Variants in MEX3B observed in about 807,000 individuals in gnomAD.
MEX3B encodes mex-3 RNA binding family member B.
In MEX3B, 10 loss-of-function variants were observed where a neutral mutation model predicts 12.2. The ratio of observed to expected loss-of-function variants is 0.82; its 90% confidence interval spans 0.51 to 1.40. The LOEUF (loss-of-function observed/expected upper bound fraction) is 1.40. Among genes scored for constraint, MEX3B ranks in the 40% most tolerant of loss-of-function variants. The pLI, the probability that MEX3B is intolerant of heterozygous loss-of-function variation, is 0.00. For missense variants in MEX3B, 839 were observed against 801.4 expected, an observed-to-expected ratio of 1.05 and a Z score of -0.57; for synonymous variants, 498 against 356.3, an observed-to-expected ratio of 1.40 and a Z score of -4.48.
Position 82,042,104 on chromosome 15 carries a change from GAAT to G in MEX3B, c.*1053_*1055del, listed in dbSNP as rs1371132242. ...ATACTAAAACTAGAGTGGTGCAACAGAATTTTTGTAACTTGCACTGAATTCTAT... is the reference window on the plus strand; with the variant it reads ...ATACTAAAACTAGAGTGGTGCAACAGTTTTGTAACTTGCACTGAATTCTAT... On this transcript the variant is annotated 3_prime_UTR_variant, in exon 2 of 2. Coordinates refer to ENST00000329713, the MANE Select transcript of MEX3B (RefSeq NM_032246.6). 2.0e-5 allele frequency: 3 copies of G among 152,606 alleles called. No homozygotes were observed. Among genetic ancestry groups the G allele is most frequent in the African/African-American group, 7.2e-5 (3 of 41,444 alleles). 9.5% of individuals were successfully genotyped at this position (152,606 alleles called of 1,614,324 possible).
intron 1 of MEX3B, chr15:82,045,174 A>C: frequency 3.3e-6 from 2 of 615,300 alleles, no homozygotes; most frequent in Admixed American, 2.7e-5. Context: ...TTACATTTAA[A>C]TTGTCTTTCT....
chr15:82,045,469 G>A lies in MEX3B; in HGVS notation c.237C>T (p.Ala79=), dbSNP rs1286195217. Residue 79 remains alanine (A), a synonymous_variant, in exon 1 of 2, where the codon GCC becomes GCT. Coordinates refer to ENST00000329713, the MANE Select transcript of MEX3B (RefSeq NM_032246.6). ...CVPVPSSEHV[A]EIVGRQGCKI... is the part of the protein sequence containing the mutation. ...ACCTACCTTGCCGCCCCACGATCTC[G>A]GCGACATGCTCAGAACTGGGTACTG... The A allele has an allele frequency of 1.2e-6, 2 of 1,604,304 alleles. No individual in the cohort carries two copies. The highest frequency in any genetic ancestry group is 1.7e-5 in the Admixed American group (1 of 59,598).
chr15:82,043,872 T>C lies in MEX3B; in HGVS notation c.998A>G (p.Asn333Ser), dbSNP rs749411744. The C allele has an allele frequency of 1.3e-5, 20 of 1,589,026 alleles. No homozygotes were observed. The highest frequency in any genetic ancestry group is 3.5e-5 in the Admixed American group (2 of 57,452). The change falls in exon 2 of 2, where the codon AAT becomes AGT. Residue 333 changes from asparagine to serine, a missense_variant. Asn to Ser is a conservative substitution (Grantham distance 46, BLOSUM62 1). Around this residue, in one of 3 missense-constraint regions of MEX3B, gnomAD observed 573 missense variants for 488.9 expected, o/e 1.17. Coordinates refer to ENST00000329713, the MANE Select transcript of MEX3B (RefSeq NM_032246.6). ...GGTGTACCCATTGCCGTTATTGTTA[T>C]TGTTTCCGTTGTGCGCAAAGCTCAG... ...PALSFAHNGN[N>S]NNNGNGYTYT...
At position 82,042,331 on chromosome 15, in the gene MEX3B, T is replaced by C. The variant is rs1194083612; in HGVS notation, c.*829A>G. 1.3e-5 allele frequency: 2 copies of C among 152,624 alleles called. No individual in the cohort carries two copies. Among genetic ancestry groups the C allele is most frequent in the Non-Finnish European group, 2.9e-5 (2 of 68,042 alleles). The allele number at this position is 152,624 out of a possible 1,614,324, so 9.5% of individuals were successfully genotyped here. A position where few individuals can be genotyped will look rare whatever the true frequency, so the allele number is the denominator to read the frequency against. Reference sequence around the variant, plus strand: ...GTTCAAAACATTACACATTTTATGGTTGTAATTCCGTCACAATTGTGTGAT... The same window carrying C: ...GTTCAAAACATTACACATTTTATGGCTGTAATTCCGTCACAATTGTGTGAT... On this transcript the variant is annotated 3_prime_UTR_variant, in exon 2 of 2. Transcript: ENST00000329713.
At chr15:82,045,223 G>C in intron 1 of MEX3B, 1 of 655,906 alleles carries the variant, frequency 1.5e-6, no homozygotes, top group Non-Finnish European at 2.7e-6. Context: ...GGAGAAGGCA[G>C]TGATTTTAGC....
rs1392842498 is a variant in MEX3B, at chr15:82,042,833, T to C, written c.*327A>G. On this transcript the variant is annotated 3_prime_UTR_variant, in exon 2 of 2. Coordinates refer to ENST00000329713, the MANE Select transcript of MEX3B (RefSeq NM_032246.6). ...GGGTTTTCTTCTTTTGGAAGCTTCCTATTAAGTACAGTGTAAAAACTATCA... is the reference window on the plus strand; with the variant it reads ...GGGTTTTCTTCTTTTGGAAGCTTCCCATTAAGTACAGTGTAAAAACTATCA... The C allele has an allele frequency of 1.4e-5, 3 of 207,186 alleles. No individual in the cohort carries two copies. Among genetic ancestry groups the C allele is most frequent in the African/African-American group, 6.9e-5 (3 of 43,702 alleles). 12.8% of individuals were successfully genotyped at this position (207,186 alleles called of 1,614,324 possible).
Position 82,043,535 on chromosome 15 carries a change from C to A in MEX3B, c.1335G>T (p.Leu445Phe). 1 of 1,522,640 alleles carries A rather than the reference C, an allele frequency of 6.6e-7. No homozygotes were observed. The highest frequency in any genetic ancestry group is 8.8e-7 in the Non-Finnish European group (1 of 1,136,284). The allele number at this position is 1,522,640 out of a possible 1,614,324, so 94.3% of individuals were successfully genotyped here. The change falls in exon 2 of 2, where the codon TTG becomes TTT. Residue 445 changes from leucine (L) to phenylalanine (F), a missense_variant. Transcript: ENST00000329713. ...GTSCPRLSPP[L>F]HMAPGAGEHH... is the part of the protein sequence containing the mutation. ...GCTCTCCCGCCCCCGGGGCCATGTG[C>A]AAGGGTGGAGACAGGCGCGGGCAGC...
Position 82,044,751 on chromosome 15 carries a change from G to C in MEX3B, c.257-138C>G. On this transcript the variant is annotated intron_variant, in intron 1 of 1. Transcript: ENST00000329713. The surrounding 1 kb of genome is among the most constrained non-coding windows in gnomAD (Gnocchi z 5.3). ...GACAAGAGATGGGCGGAAAGGGGGC[G>C]TCTCCCTCACTGACCTCGGGCCGCG... 3.5e-6 allele frequency: 3 copies of C among 857,634 alleles called. No individual in the cohort carries two copies. The South Asian group carries it at 4.8e-5, about 14-fold the overall frequency. 53.1% of individuals were successfully genotyped at this position (857,634 alleles called of 1,614,324 possible).
chr15:82,044,399 C>T lies in MEX3B; in HGVS notation c.471G>A (p.Leu157=). 6.2e-7 allele frequency: 1 copy of T among 1,611,206 alleles called. No individual in the cohort carries two copies. The highest frequency in any genetic ancestry group is 8.5e-7 in the Non-Finnish European group (1 of 1,179,390). The change falls in exon 2 of 2, where the codon CTG becomes CTA. Residue 157 remains leucine (L), a synonymous_variant. Coordinates refer to ENST00000329713, the MANE Select transcript of MEX3B (RefSeq NM_032246.6). This position sits in a 1 kb window ranked among gnomAD's most constrained non-coding sequence, Gnocchi z 5.3. ...GCACTTGGATGGTGGTCTGCCCGGG[C>T]AGGTTGGGCGGCCCAGGCACCGCGC... ...LNGAVPGPPN[L]PGQTTIQVRV... is the part of the protein sequence containing the mutation.
In MEX3B at chr15:82,044,664, C is replaced by T. The variant is rs753448943; in HGVS notation, c.257-51G>A. 6.3e-7 allele frequency: 1 copy of T among 1,591,024 alleles called. No individual in the cohort carries two copies. Among genetic ancestry groups the T allele is most frequent in the Non-Finnish European group, 8.6e-7 (1 of 1,160,870 alleles). ...AGTGGGAGAGAGAGACAGACACGCC[C>T]ATTATCCTGGGGTAACCGCGGGGAC... On this transcript the variant is annotated intron_variant, in intron 1 of 1. Transcript: ENST00000329713. This position sits in a 1 kb window ranked among gnomAD's most constrained non-coding sequence, Gnocchi z 5.3.
At position 82,043,698 on chromosome 15, in the gene MEX3B, G is replaced by C; in HGVS notation, c.1172C>G (p.Pro391Arg). ...AGAAGAAGAGCAGGAAGAAGATACCGGAGCTGCAGGTCCGCCTCCCGGGGA... is the reference window on the plus strand; with the variant it reads ...AGAAGAAGAGCAGGAAGAAGATACCCGAGCTGCAGGTCCGCCTCCCGGGGA... ...ERSPGGGPAA[P>R]VSSSCSSSAS... The change falls in exon 2 of 2, where the codon CCG (proline) becomes CGG (arginine). Residue 391 changes from proline (P) to arginine (R), a missense_variant. This residue lies in a region of MEX3B where 573 missense variants were observed against 488.9 expected (regional missense o/e 1.17). Coordinates refer to ENST00000329713, the MANE Select transcript of MEX3B (RefSeq NM_032246.6). 4 of 1,600,378 alleles carry C rather than the reference G, an allele frequency of 2.5e-6. No homozygotes were observed. The highest frequency in any genetic ancestry group is 3.4e-6 in the Non-Finnish European group (4 of 1,174,090).
intron 1 of MEX3B, chr15:82,045,090 C>T (rs923554622): frequency 1.7e-5 from 10 of 598,878 alleles, no homozygotes; most frequent in African/African-American, 7.4e-5. Context: ...CCAGAATCCT[C>T]CTCCCATCCT....
rs1470395502 is a variant in MEX3B at position 82,041,993 on chromosome 15, A to T, written c.*1167T>A. ...AAATAAAATATACTTTGTTTTTTAA[A>T]CTTTGCTCAGTAAAGTACATTTAAG... On this transcript the variant is annotated 3_prime_UTR_variant, in exon 2 of 2. Coordinates refer to ENST00000329713, the MANE Select transcript of MEX3B (RefSeq NM_032246.6). 6.6e-6 allele frequency: 1 copy of T among 152,624 alleles called. No homozygotes were observed. Among genetic ancestry groups the T allele is most frequent in the Non-Finnish European group, 1.5e-5 (1 of 68,030 alleles). The allele number at this position is 152,624 out of a possible 1,614,324, so 9.5% of individuals were successfully genotyped here. A position where few individuals can be genotyped will look rare whatever the true frequency, so the allele number is the denominator to read the frequency against.
At position 82,043,082 on chromosome 15, in the gene MEX3B, G is replaced by A; in HGVS notation, c.*78C>T. Reference sequence around the variant, plus strand: ...GAGAGGGGGGGCACCCAGGGAGGCAGGCGAGCGCTGGGGAAAGAGGGTGGG... The same window carrying A: ...GAGAGGGGGGGCACCCAGGGAGGCAAGCGAGCGCTGGGGAAAGAGGGTGGG... On this transcript the variant is annotated 3_prime_UTR_variant, in exon 2 of 2. Transcript: ENST00000329713. 3 of 1,304,202 alleles carry A rather than the reference G, an allele frequency of 2.3e-6. No homozygotes were observed. Among genetic ancestry groups the A allele is most frequent in the Non-Finnish European group, 3.0e-6 (3 of 1,008,002 alleles). The allele number at this position is 1,304,202 out of a possible 1,614,324, so 80.8% of individuals were successfully genotyped here.
chr15:82,041,945 G>A lies in MEX3B; in HGVS notation c.*1215C>T, dbSNP rs2073222589. 6.6e-6 allele frequency: 1 copy of A among 152,564 alleles called. No homozygotes were observed. Among genetic ancestry groups the A allele is most frequent in the Non-Finnish European group, 1.5e-5 (1 of 68,028 alleles). The allele number at this position is 152,564 out of a possible 1,614,324, so 9.5% of individuals were successfully genotyped here. A position where few individuals can be genotyped will look rare whatever the true frequency, so the allele number is the denominator to read the frequency against. On this transcript the variant is annotated 3_prime_UTR_variant, in exon 2 of 2. Transcript: ENST00000329713. ...AAATATAATATTAGTATTTGACCAT[G>A]AGGTTAAAGGCCCTTTATCATAAAA...
Position 82,043,334 on chromosome 15 carries a change from A to T in MEX3B, c.1536T>A (p.Arg512=), listed in dbSNP as rs1485626271. 2.5e-6 allele frequency: 4 copies of T among 1,603,454 alleles called. No homozygotes were observed. In the South Asian group the frequency reaches 4.5e-5, roughly 18 times the overall value. Residue 512 remains arginine (R), a synonymous_variant, in exon 2 of 2, where the codon CGT becomes CGA. Transcript: ENST00000329713. ...ACACGGAGCAGTCGCGGCTGCCTTT[A>T]CGCCGAAGCCCGGAGGAAGAGGATG... ...SSSSSSSGLR[R]KGSRDCSVCF... is the part of the protein sequence containing the mutation.
rs1204291558 is a variant in MEX3B at position 82,045,735 on chromosome 15, G to A, written c.-30C>T. On this transcript the variant is annotated 5_prime_UTR_variant, in exon 1 of 2. Coordinates refer to ENST00000329713, the MANE Select transcript of MEX3B (RefSeq NM_032246.6). ...CGGCCGTGCGCGCCGCGCCCCCGCC[G>A]GCCCTCGGCTCGGCGGCGAGAAGCT... The A allele has an allele frequency of 1.5e-6, 2 of 1,319,590 alleles. No homozygotes were observed. The highest frequency in any genetic ancestry group is 4.1e-5 in the Admixed American group (1 of 24,100). 81.7% of individuals were successfully genotyped at this position (1,319,590 alleles called of 1,614,324 possible).
At position 82,044,747 on chromosome 15, in the gene MEX3B, G is replaced by GGGC; in HGVS notation, c.257-137_257-135dup. The GGGC allele has an allele frequency of 1.1e-6, 1 of 883,986 alleles. No homozygotes were observed. Among genetic ancestry groups the GGGC allele is most frequent in the Non-Finnish European group, 1.8e-6 (1 of 567,370 alleles). 54.8% of individuals were successfully genotyped at this position (883,986 alleles called of 1,614,324 possible). A position where few individuals can be genotyped will look rare whatever the true frequency, so the allele number is the denominator to read the frequency against. The stretch of plus-strand genomic sequence containing the variant: ...GCAGGACAAGAGATGGGCGGAAAGG[G>GGGC]GGCGTCTCCCTCACTGACCTCGGGC... On this transcript the variant is annotated intron_variant, in intron 1 of 1. Coordinates refer to ENST00000329713, the MANE Select transcript of MEX3B (RefSeq NM_032246.6). This position sits in a 1 kb window ranked among gnomAD's most constrained non-coding sequence, Gnocchi z 5.3.
Position 82,043,102 on chromosome 15 carries a change from G to T in MEX3B, c.*58C>A. On this transcript the variant is annotated 3_prime_UTR_variant, in exon 2 of 2. Coordinates refer to ENST00000329713, the MANE Select transcript of MEX3B (RefSeq NM_032246.6). Reference sequence around the variant, plus strand: ...AGGCAGGCGAGCGCTGGGGAAAGAGGGTGGGGAGGGGTTCCCCCTTCCCCC... The same window carrying T: ...AGGCAGGCGAGCGCTGGGGAAAGAGTGTGGGGAGGGGTTCCCCCTTCCCCC... 1 of 1,404,244 alleles carries T rather than the reference G, an allele frequency of 7.1e-7. No individual in the cohort carries two copies. The allele number at this position is 1,404,244 out of a possible 1,614,324, so 87.0% of individuals were successfully genotyped here. A position where few individuals can be genotyped will look rare whatever the true frequency, so the allele number is the denominator to read the frequency against.
Sources: gnomAD v4.1 joint callset for allele counts on GRCh38, gnomAD v4.1.1 for gene constraint, gnomAD v4.1.1 regional missense constraint, Gnocchi (gnomAD v3.1) non-coding constraint, MANE v1.5 for transcripts, NCBI Gene and HGNC (gene_info 2026-07-23, HGNC 2026-07-21) for gene names.